The following PDLIM5 variants were observed in gnomAD, a reference collection of about 807,000 sequenced individuals.
PDLIM5 encodes PDZ and LIM domain protein 5.
PDLIM5 carries 34 observed loss-of-function variants against 64.2 expected under a neutral mutation model. That is an observed-to-expected ratio of 0.53 (90% CI 0.40 to 0.71). PDLIM5 has a LOEUF of 0.71. Among genes scored for constraint, PDLIM5 ranks in the 30% least tolerant of loss-of-function variants. The pLI is 0.00. For missense variants in PDLIM5, 683 were observed against 733.6 expected (o/e 0.93, Z 0.80); for synonymous variants, 253 against 269.1 (o/e 0.94, Z 0.59).
chr4:94,456,118 A>G (rs1723327071), intron 2 of PDLIM5: 1 of 664,954 alleles, frequency 1.5e-6, no homozygotes. Context: ...TTACTATTAT[A>G]TAAGTTTCTA....
chr4:94,494,432 GTTTT>G (rs61675663), intron 2 of PDLIM5, among the ~76,000 whole-genome samples: 43 of 70,770 alleles, frequency 6.1e-4, no homozygotes, highest in African/African-American at 1.2e-3. Flanking sequence ...TTTTTTTCTT[GTTTT>G]TTTTTTTTTT....
At chr4:94,656,248 T>C (rs1742202554) in intron 10 of PDLIM5, among the ~76,000 whole-genome samples, 1 of 152,192 alleles carries the variant, frequency 6.6e-6, no homozygotes, top group Non-Finnish European at 1.5e-5. Flanking sequence ...ATGTATATGA[T>C]TTTTTGTGAT....
intron 3 of PDLIM5, among the ~76,000 whole-genome samples, chr4:94,553,465 G>C (rs1234356522): frequency 6.6e-6 from 1 of 152,116 alleles, no homozygotes; most frequent in Non-Finnish European, 1.5e-5. Flanking sequence ...TACTTCTCTT[G>C]CCATCTTCTT....
At chr4:94,477,260 C>G (rs1725403991) in intron 2 of PDLIM5, among the ~76,000 whole-genome samples, 1 of 152,100 alleles carries the variant, frequency 6.6e-6, no homozygotes, top group Admixed American at 6.5e-5. Context: ...AATAGCTGCT[C>G]TTCGTAGAGC....
At position 94,665,702 on chromosome 4, in the gene PDLIM5, C is replaced by T. The variant is rs368604816; in HGVS notation, c.*1635C>T. The T allele has an allele frequency of 4.8e-4, 541 of 1,124,616 alleles. No individual in the cohort carries two copies. In the African/African-American group the frequency reaches 7.7e-3, roughly 16 times the overall value. The allele number at this position is 1,124,616 out of a possible 1,614,324, so 69.7% of individuals were successfully genotyped here. ...TTTTTGTTTCGTTTTGTTTCTTCTT[C>T]TGCATTTAAAAATTAAAAGATTGGT... On this transcript the variant is annotated 3_prime_UTR_variant, in exon 13 of 13. Transcript: ENST00000317968.
At chr4:94,531,885 A>C (rs1262294550) in intron 3 of PDLIM5, among the ~76,000 whole-genome samples, 4 of 151,974 alleles carry the variant, frequency 2.6e-5, no homozygotes, top group African/African-American at 9.7e-5. Flanking sequence ...TTATACCTAA[A>C]TTATTTTCTG....
intron 2 of PDLIM5, among the ~76,000 whole-genome samples, chr4:94,472,614 G>C (rs1056899401): frequency 2.8e-4 from 43 of 152,160 alleles, no homozygotes; most frequent in Admixed American, 7.2e-4. Flanking sequence ...CCTGTGGGTA[G>C]AGGTCACCAT....
At chr4:94,540,364 C>T (rs765461715) in intron 3 of PDLIM5, among the ~76,000 whole-genome samples, 2 of 152,170 alleles carry the variant, frequency 1.3e-5, no homozygotes, top group Non-Finnish European at 2.9e-5. Flanking sequence ...GTGATCCGCC[C>T]GCCTCGGCCT....
intron 2 of PDLIM5, among the ~76,000 whole-genome samples, chr4:94,497,284 A>G (rs1365890300): frequency 6.6e-6 from 1 of 152,212 alleles, no homozygotes; most frequent in Non-Finnish European, 1.5e-5. Context: ...TAACAGTAAT[A>G]TACTTATGAT....
At chr4:94,496,025 C>T (rs1011447675) in intron 2 of PDLIM5, among the ~76,000 whole-genome samples, 2 of 150,992 alleles carry the variant, frequency 1.3e-5, no homozygotes, top group African/African-American at 4.9e-5. Context: ...ACTTCACAGT[C>T]AGCTTCATTA....
At chr4:94,476,946 T>A (rs1168945665) in intron 2 of PDLIM5, among the ~76,000 whole-genome samples, 2 of 152,228 alleles carry the variant, frequency 1.3e-5, no homozygotes, top group Non-Finnish European at 2.9e-5. Flanking sequence ...TGGAACATTA[T>A]CTGGCAGACT....
chr4:94,581,545 C>T (rs1735730935), intron 5 of PDLIM5, among the ~76,000 whole-genome samples: 1 of 152,142 alleles, frequency 6.6e-6, no homozygotes, highest in South Asian at 2.1e-4. Context: ...TTGAGATCAA[C>T]TTAATCCTGC....
chr4:94,620,871 C>T (rs1739166927), intron 8 of PDLIM5, among the ~76,000 whole-genome samples: 1 of 151,610 alleles, frequency 6.6e-6, no homozygotes, highest in South Asian at 2.1e-4. Flanking sequence ...TCCTGGAGAT[C>T]AAGATCACCT....
In PDLIM5 at chr4:94,665,162, C is replaced by A; in HGVS notation, c.*1095C>A. On this transcript the variant is annotated 3_prime_UTR_variant, in exon 13 of 13. Transcript: ENST00000317968. ...AAAGATTTAATTAAATAATTTTGGC[C>A]TCTCATAGTTTTCTCTCTCTTTAAA... The A allele has an allele frequency of 1.0e-6, 1 of 958,052 alleles. No individual in the cohort carries two copies. The highest frequency in any genetic ancestry group is 1.2e-6 in the Non-Finnish European group (1 of 804,954). 59.3% of individuals were successfully genotyped at this position (958,052 alleles called of 1,614,324 possible).
chr4:94,541,424 C>A (rs565566192), intron 3 of PDLIM5, among the ~76,000 whole-genome samples: 1 of 152,254 alleles, frequency 6.6e-6, no homozygotes, highest in African/African-American at 2.4e-5. Flanking sequence ...TCTAAAAGTG[C>A]TTCTATCAAG....
chr4:94,501,769 C>T (rs1727944430), intron 2 of PDLIM5, among the ~76,000 whole-genome samples: 1 of 152,126 alleles, frequency 6.6e-6, no homozygotes. Flanking sequence ...CTCAACCAAC[C>T]TCCCTCTTCT....
chr4:94,585,312 A>G (rs1278193207), intron 5 of PDLIM5, among the ~76,000 whole-genome samples: 2 of 151,894 alleles, frequency 1.3e-5, no homozygotes, highest in Admixed American at 6.6e-5. Flanking sequence ...GGATGGTCTC[A>G]ATCTCCTGAC....
At position 94,456,268 on chromosome 4, in the gene PDLIM5, G is replaced by A. The variant is rs896047278; in HGVS notation, c.96+884G>A. Reference sequence around the variant, plus strand: ...GGCTGGAGTGCAGTGGCGCAATCTCGGCTCACCACAACCTCCATCTCCCGA... The same window carrying A: ...GGCTGGAGTGCAGTGGCGCAATCTCAGCTCACCACAACCTCCATCTCCCGA... On this transcript the variant is annotated intron_variant, in intron 2 of 12. Transcript: ENST00000317968. 60 of 488,494 alleles carry A rather than the reference G, an allele frequency of 1.2e-4. 1 individual carries two copies. Among genetic ancestry groups the A allele is most frequent in the South Asian group, 1.2e-3 (46 of 39,074 alleles). The allele number at this position is 488,494 out of a possible 1,614,324, so 30.3% of individuals were successfully genotyped here.
intron 3 of PDLIM5, among the ~76,000 whole-genome samples, chr4:94,525,145 G>A (rs1276269541): frequency 1.3e-5 from 2 of 152,116 alleles, no homozygotes; most frequent in Non-Finnish European, 2.9e-5. Flanking sequence ...TAGGCTGGGC[G>A]CTGTGGCTCA....
Sources: gnomAD v4.1 joint callset for allele counts (sites outside exome capture counted in the v4.1 genomes callset) on GRCh38, gnomAD v4.1.1 for gene constraint, MANE v1.5 for transcripts, NCBI Gene and HGNC (gene_info 2026-07-23, HGNC 2026-07-21) for gene names.